The following NDST2 variants were observed in gnomAD, a reference collection of about 807,000 sequenced individuals.
NDST2 encodes N-deacetylase and N-sulfotransferase 2.
In NDST2, 32 loss-of-function variants were observed where a neutral mutation model predicts 86.9. The ratio of observed to expected loss-of-function variants is 0.37; its 90% CI spans 0.28 to 0.49. The LOEUF is 0.49. NDST2 is among the 20% of genes least tolerant of loss of function. The pLI, the probability that NDST2 is intolerant of heterozygous loss-of-function variation, is 0.97. For synonymous variants in NDST2, 409 were observed against 437.0 expected (o/e 0.94, Z 0.80); for missense variants, 950 against 1,146.9 (o/e 0.83, Z 2.48).
chr10:73,807,278 G>T (rs908256731), intron 3 of NDST2, 83 bp from the exon 4 acceptor site: 20 of 1,539,974 alleles, frequency 1.3e-5, no homozygotes, highest in Non-Finnish European at 1.5e-5. Context: ...TTCCTGCCTG[G>T]AAAGGCAGGG....
Position 73,807,889 on chromosome 10 carries a change from C to A in NDST2, c.500G>T (p.Gly167Val). ...LDRYCVEYGVGIIGFFRAHEH... is the reference protein window; with the variant it reads ...LDRYCVEYGVVIIGFFRAHEH... Reference sequence around the variant, plus strand: ...GTGGGCTCGGAAAAAGCCAATGATGCCCACACCATACTCCACGCAGTACCG... The same window carrying A: ...GTGGGCTCGGAAAAAGCCAATGATGACCACACCATACTCCACGCAGTACCG... Residue 167 changes from glycine (G) to valine (V), a missense_variant, in exon 3 of 15, where the codon GGC (glycine) becomes GTC (valine). Gly to Val is a moderately radical substitution (Grantham distance 109). Around this residue, in one of 5 missense-constraint regions of NDST2, gnomAD observed 586 missense variants for 714.0 expected, o/e 0.82. Transcript: ENST00000309979. The A allele has an allele frequency of 1.2e-6, 2 of 1,614,138 alleles. No homozygotes were observed. The highest frequency in any genetic ancestry group is 1.1e-5 in the South Asian group (1 of 91,082).
chr10:73,810,873 C>T lies in NDST2; in HGVS notation c.-416G>A. The stretch of plus-strand genomic sequence containing the variant: ...TCAGGCCTGTCAAGCTCCAGAGCCG[C>T]GTTCTTAGCCGCTGCATTTTAGCTT... On this transcript the variant is annotated 5_prime_UTR_variant, in exon 2 of 15. Transcript: ENST00000309979. The T allele has an allele frequency of 2.5e-6, 1 of 399,162 alleles. No homozygotes were observed. The highest frequency in any genetic ancestry group is 4.4e-6 in the Non-Finnish European group (1 of 226,106). The allele number at this position is 399,162 out of a possible 1,614,324, so 24.7% of individuals were successfully genotyped here. A position where few individuals can be genotyped will look rare whatever the true frequency, so the allele number is the denominator to read the frequency against.
chr10:73,805,634 G>A lies in NDST2; in HGVS notation c.1699C>T (p.Gln567Ter). ...TGAGGGAAAAGTTCAAAGTACTTCT[G>A]TGCAAGTGGGACAGGAGGAAGGGTC... ...LQTLPPVPLAQKYFELFPQER... is the reference protein window; with the variant it reads ...LQTLPPVPLA Residue 567 changes from glutamine (Q) to a stop codon, truncating the protein, a stop_gained, in exon 8 of 15, where the codon CAG becomes TAG. Coordinates refer to ENST00000309979, the MANE Select transcript of NDST2 (RefSeq NM_003635.4). LOFTEE classifies it high-confidence loss of function. The A allele has an allele frequency of 1.9e-6, 3 of 1,614,214 alleles. No homozygotes were observed. The highest frequency in any genetic ancestry group is 2.5e-6 in the Non-Finnish European group (3 of 1,180,042).
At chr10:73,810,201 G>T (rs1210240877) in intron 2 of NDST2, among the ~76,000 whole-genome samples, 1 of 152,122 alleles carries the variant, frequency 6.6e-6, no homozygotes, top group African/African-American at 2.4e-5. Context: ...CCTCACGCCT[G>T]TAATTCCAGC....
Position 73,802,410 on chromosome 10 carries a change from G to A in NDST2, c.*41C>T, listed in dbSNP as rs779967685. On this transcript the variant is annotated 3_prime_UTR_variant, in exon 15 of 15. Coordinates refer to ENST00000309979, the MANE Select transcript of NDST2 (RefSeq NM_003635.4). ...GGCCCTGCTCTGGACCTGCCCCTTA[G>A]GGAAGCAGGGGGCATTTTGCTGGTA... 2 of 1,610,682 alleles carry A rather than the reference G, an allele frequency of 1.2e-6. No homozygotes were observed. Among genetic ancestry groups the A allele is most frequent in the Non-Finnish European group, 1.7e-6 (2 of 1,179,338 alleles).
intron 12 of NDST2, 27 bp from the exon 13 acceptor site, chr10:73,803,108 C>A (rs1356086004): frequency 6.2e-7 from 1 of 1,613,824 alleles, no homozygotes; most frequent in Non-Finnish European, 8.5e-7. Context: ...GTGGTTCCCT[C>A]TATATTCCTA....
chr10:73,802,678 G>C lies in NDST2; in HGVS notation c.2522C>G (p.Thr841Ser), dbSNP rs750530487. 6.2e-7 allele frequency: 1 copy of C among 1,614,062 alleles called. No individual in the cohort carries two copies. Among genetic ancestry groups the C allele is most frequent in the Non-Finnish European group, 8.5e-7 (1 of 1,180,020 alleles). Reference sequence around the variant, plus strand: ...CCTGCCCCTGGCTTTACTTACCTCAGTGTCCATATCTGGATACCTCCGGCC... The same window carrying C: ...CCTGCCCCTGGCTTTACTTACCTCACTGTCCATATCTGGATACCTCCGGCC... ...SKGRRYPDMD[T>S]ESRLFLTDFF... Residue 841 changes from threonine to serine, a missense_variant, in exon 14 of 15, where the codon ACT becomes AGT. Thr to Ser is a moderately conservative substitution (Grantham distance 58). This residue lies in a region of NDST2 where 303 missense variants were observed against 323.7 expected (regional missense o/e 0.94). Transcript: ENST00000309979.
At chr10:73,810,445 T>C (rs1415784623) in intron 2 of NDST2, among the ~76,000 whole-genome samples, 1 of 151,450 alleles carries the variant, frequency 6.6e-6, no homozygotes, top group Non-Finnish European at 1.5e-5. Flanking sequence ...GTGACAGAGC[T>C]AGACTCCAGC....
At chr10:73,809,943 G>A (rs140431505) in intron 2 of NDST2, among the ~76,000 whole-genome samples, 1 of 152,188 alleles carries the variant, frequency 6.6e-6, no homozygotes, top group African/African-American at 2.4e-5. Flanking sequence ...ACGTTGCCCA[G>A]GCTGGTCTTG....
intron 8 of NDST2, 88 bp from the exon 9 acceptor site, chr10:73,804,957 A>C: frequency 1.4e-6 from 1 of 704,472 alleles, no homozygotes; most frequent in Non-Finnish European, 2.4e-6. Context: ...GCTGGAGTGC[A>C]ATGCATGATC....
Position 73,802,328 on chromosome 10 carries a change from G to A in NDST2, c.*123C>T. ...ACCCTTCCCTTCTCAGCCATCTCAG[G>A]CCTGGGGGCTACTGAGGTAGAGGGG... On this transcript the variant is annotated 3_prime_UTR_variant, in exon 15 of 15. Coordinates refer to ENST00000309979, the MANE Select transcript of NDST2 (RefSeq NM_003635.4). 9.6e-7 allele frequency: 1 copy of A among 1,046,956 alleles called. No individual in the cohort carries two copies. The highest frequency in any genetic ancestry group is 1.4e-6 in the Non-Finnish European group (1 of 718,844). The allele number at this position is 1,046,956 out of a possible 1,614,324, so 64.9% of individuals were successfully genotyped here.
rs2084199822 is a variant in NDST2, at chr10:73,810,922, T to C, written c.-446-19A>G. On this transcript the variant is annotated intron_variant, in intron 1 of 14. Coordinates refer to ENST00000309979, the MANE Select transcript of NDST2 (RefSeq NM_003635.4). ...TTCATACCTGGAAGAAGCAGCAAGG[T>C]TTAGGGAAGGGGCGCCGGGAGCGCC... 2.5e-6 allele frequency: 1 copy of C among 398,518 alleles called. No homozygotes were observed. The highest frequency in any genetic ancestry group is 4.4e-6 in the Non-Finnish European group (1 of 225,960). 24.7% of individuals were successfully genotyped at this position (398,518 alleles called of 1,614,324 possible).
In NDST2 at chr10:73,802,120, G is replaced by A. The variant is rs1464626401; in HGVS notation, c.*331C>T. The A allele has an allele frequency of 2.4e-6, 1 of 422,050 alleles. No individual in the cohort carries two copies. The highest frequency in any genetic ancestry group is 4.3e-6 in the Non-Finnish European group (1 of 230,116). The allele number at this position is 422,050 out of a possible 1,614,324, so 26.1% of individuals were successfully genotyped here. A position where few individuals can be genotyped will look rare whatever the true frequency, so the allele number is the denominator to read the frequency against. On this transcript the variant is annotated 3_prime_UTR_variant, in exon 15 of 15. Coordinates refer to ENST00000309979, the MANE Select transcript of NDST2 (RefSeq NM_003635.4). ...GGGGTCTCTCCCATAGCCAGGTATA[G>A]AATAGATACACTGCTGCGGATGAAG...
In NDST2 at chr10:73,806,517, G is replaced by A. The variant is rs367705484; in HGVS notation, c.1249-43C>T. ...TCTCACCAGGACCTGGTGAGGTTTG[G>A]GGAGTAGAGGGTAAAGAGGGTGGGG... On this transcript the variant is annotated intron_variant, in intron 5 of 14. Transcript: ENST00000309979. The surrounding 1 kb of genome is among the most constrained non-coding windows in gnomAD (Gnocchi z 4.5). The A allele has an allele frequency of 1.9e-6, 3 of 1,554,212 alleles. No homozygotes were observed. Among genetic ancestry groups the A allele is most frequent in the African/African-American group, 1.4e-5 (1 of 73,226 alleles).
chr10:73,808,700 G>T lies in NDST2; in HGVS notation c.-312C>A. 6.3e-6 allele frequency: 2 copies of T among 318,626 alleles called. No individual in the cohort carries two copies. The highest frequency in any genetic ancestry group is 1.2e-5 in the Non-Finnish European group (2 of 172,112). The allele number at this position is 318,626 out of a possible 1,614,324, so 19.7% of individuals were successfully genotyped here. On this transcript the variant is annotated 5_prime_UTR_variant, in exon 3 of 15. Coordinates refer to ENST00000309979, the MANE Select transcript of NDST2 (RefSeq NM_003635.4). The surrounding 1 kb of genome is among the most constrained non-coding windows in gnomAD (Gnocchi z 4.3). ...CCTGGCTGAGCGCCTCACATCAAAG[G>T]TCAGCAAAGTTCAATCTCTTCCCCT...
Position 73,805,655 on chromosome 10 carries a change from G to A in NDST2, c.1678C>T (p.Leu560Phe). ...QCWTRLRLQT[L>F]PPVPLAQKYF... ...TTCTGTGCAAGTGGGACAGGAGGAA[G>A]GGTCTGTAGGCGCAGCCGTGTCCAA... Residue 560 changes from leucine to phenylalanine, a missense_variant, in exon 8 of 15, where the codon CTT (leucine) becomes TTT (phenylalanine). Leu to Phe is a conservative substitution (Grantham distance 22). Transcript: ENST00000309979. 3 of 1,614,252 alleles carry A rather than the reference G, an allele frequency of 1.9e-6. No individual in the cohort carries two copies. The highest frequency in any genetic ancestry group is 2.2e-5 in the East Asian group (1 of 44,890).
In NDST2 at chr10:73,806,421, A is replaced by G; in HGVS notation, c.1302T>C (p.Gly434=). ...LGYAVAPHHS[G]VYPIHTQLYE... ...AGAGCTGCGTGTGGATGGGGTACAC[A>G]CCCGAGTGGTGGGGGGCCACAGCAT... The change falls in exon 6 of 15, where the codon GGT becomes GGC. Residue 434 remains glycine, a synonymous_variant. Coordinates refer to ENST00000309979, the MANE Select transcript of NDST2 (RefSeq NM_003635.4). The surrounding 1 kb of genome is among the most constrained non-coding windows in gnomAD (Gnocchi z 4.5). 6.2e-7 allele frequency: 1 copy of G among 1,612,012 alleles called. No individual in the cohort carries two copies. Among genetic ancestry groups the G allele is most frequent in the South Asian group, 1.1e-5 (1 of 90,936 alleles).
chr10:73,802,471 GCA>G lies in NDST2; in HGVS notation c.2630_2631del (p.Leu877ProfsTer22). On this transcript the variant is annotated frameshift_variant, in exon 15 of 15. Transcript: ENST00000309979. LOFTEE classifies it high-confidence loss of function. The stretch of plus-strand genomic sequence containing the variant: ...GGACATCAGCCCAGACTGGAATGCT[GCA>G]GTTCTTCCCGAAGCCACGAGGGCAC... Reference protein sequence around the residue: ...QPVPSWLREELQHSSLG With the variant: ...QPVPSWLREEXQHSSLG The G allele has an allele frequency of 6.2e-7, 1 of 1,613,276 alleles. No individual in the cohort carries two copies. Among genetic ancestry groups the G allele is most frequent in the Non-Finnish European group, 8.5e-7 (1 of 1,180,042 alleles).
rs753961963 is a variant in NDST2 at position 73,803,722 on chromosome 10, G to T, written c.1994C>A (p.Ser665Tyr). 2.5e-6 allele frequency: 4 copies of T among 1,614,028 alleles called. No homozygotes were observed. In the African/African-American group the frequency reaches 4.0e-5, roughly 16 times the overall value. ...DWYMDFFPVP[S>Y]NASTDFLFEK... ...AAATAGGAAATCAGTGCTGGCATTGGAAGGAACAGGGAAGAAATCCATGTA... is the reference window on the plus strand; with the variant it reads ...AAATAGGAAATCAGTGCTGGCATTGTAAGGAACAGGGAAGAAATCCATGTA... Residue 665 changes from serine to tyrosine, a missense_variant, in exon 11 of 15, where the codon TCC becomes TAC. Physicochemically the swap from Ser to Tyr is moderately radical, Grantham distance 144. Coordinates refer to ENST00000309979, the MANE Select transcript of NDST2 (RefSeq NM_003635.4).
Sources: gnomAD v4.1 joint callset for allele counts (sites outside exome capture counted in the v4.1 genomes callset) on GRCh38, gnomAD v4.1.1 for gene constraint, gnomAD v4.1.1 regional missense constraint, Gnocchi (gnomAD v3.1) non-coding constraint, MANE v1.5 for transcripts, NCBI Gene and HGNC (gene_info 2026-07-23, HGNC 2026-07-21) for gene names.